CSMD1: variants seen among roughly 807,000 people sequenced by gnomAD.
CSMD1 encodes CUB and Sushi multiple domains 1, also known as CUB and sushi domain-containing protein 1.
In CSMD1, 213 loss-of-function variants were observed where a neutral mutation model predicts 417.5. The observed-to-expected ratio is 0.51, with a 90% CI of 0.46 to 0.57. The LOEUF (loss-of-function observed/expected upper bound fraction) is 0.57, where lower values mean the gene tolerates loss of function less well. Ranked by LOEUF, CSMD1 falls within the 20% of genes least tolerant of loss-of-function variation. CSMD1 has a pLI of 0.00. For synonymous variants in CSMD1, 2,862 were observed against 1,736.8 expected (o/e 1.65, Z -16.11); for missense variants, 6,923 against 4,529.7 (o/e 1.53, Z -15.17).
intron 3 of CSMD1, among the ~76,000 whole-genome samples, chr8:4,248,670 T>TCCTGTCCTGC (rs2128828965): frequency 6.6e-6 from 1 of 152,226 alleles, no homozygotes; most frequent in African/African-American, 2.4e-5. Flanking sequence ...ACCATCAGCC[T>TCCTGTCCTGC]CCTGTCCTGC....
chr8:4,229,886 T>C (rs532042547), intron 3 of CSMD1, among the ~76,000 whole-genome samples: 1 of 152,330 alleles, frequency 6.6e-6, no homozygotes, highest in Admixed American at 6.5e-5. Flanking sequence ...GAAATCTGTG[T>C]ATCGCTTTGA....
At chr8:2,953,469 C>G (rs889945067) in intron 65 of CSMD1, among the ~76,000 whole-genome samples, 6 of 131,834 alleles carry the variant, frequency 4.6e-5, no homozygotes, top group African/African-American at 1.6e-4. Context: ...AAAAAAAAAA[C>G]AGTGTTAAAA....
chr8:2,946,951 T>G (rs988701184), intron 68 of CSMD1, among the ~76,000 whole-genome samples: 1 of 152,232 alleles, frequency 6.6e-6, no homozygotes, highest in Non-Finnish European at 1.5e-5. Context: ...AGTGTGGTTT[T>G]GATTTGCATT....
intron 10 of CSMD1, among the ~76,000 whole-genome samples, chr8:3,525,970 G>A (rs937165248): frequency 2.6e-5 from 4 of 152,034 alleles, no homozygotes; most frequent in South Asian, 2.1e-4. Flanking sequence ...CTTCAGCTCT[G>A]GTAAAATCAG....
intron 54 of CSMD1, among the ~76,000 whole-genome samples, chr8:2,987,905 T>C (rs1290659603): frequency 6.6e-6 from 1 of 152,210 alleles, no homozygotes; most frequent in African/African-American, 2.4e-5. Context: ...TTCATTTAAG[T>C]TCTGCCATAC....
chr8:3,886,669 A>C (rs186914389), intron 5 of CSMD1, among the ~76,000 whole-genome samples: 95 of 152,298 alleles, frequency 6.2e-4, no homozygotes, highest in Admixed American at 1.8e-3. Context: ...ACAGCTACTG[A>C]TGATTCAAAA....
rs888187740 is a variant in CSMD1 at position 4,764,908 on chromosome 8, A to AC, written c.86-127351_86-127350insG. ...AAAAAAAAAAAACAACAACAACAAA[A>AC]AAAAACCTTTGCTGAGGATGGTTAT... On this transcript the variant is annotated intron_variant, in intron 1 of 69. Transcript: ENST00000635120. 4.8e-5 allele frequency among the ~76,000 whole-genome samples: 7 copies of AC among 145,850 alleles called. 1 individual carries two copies. The highest frequency in any genetic ancestry group is 1.8e-4 in the African/African-American group (7 of 39,706).
intron 8 of CSMD1, among the ~76,000 whole-genome samples, chr8:3,597,208 G>A (rs1006976129): frequency 3.3e-5 from 5 of 152,108 alleles, no homozygotes; most frequent in Admixed American, 1.3e-4. Flanking sequence ...GAACTGAGAG[G>A]ACTCATGGTA....
At chr8:4,749,020 G>A (rs1811137779) in intron 1 of CSMD1, among the ~76,000 whole-genome samples, 1 of 151,926 alleles carries the variant, frequency 6.6e-6, no homozygotes, top group Non-Finnish European at 1.5e-5. Flanking sequence ...ACGGTGACCA[G>A]TTCTGACCCA....
chr8:4,987,375 C>T (rs768528081), intron 1 of CSMD1, among the ~76,000 whole-genome samples: 1 of 152,178 alleles, frequency 6.6e-6, no homozygotes, highest in Non-Finnish European at 1.5e-5. Context: ...GTACAGAAAG[C>T]AGAGGGTTGC....
chr8:3,265,830 A>C (rs145399414), intron 26 of CSMD1, among the ~76,000 whole-genome samples: 17 of 152,182 alleles, frequency 1.1e-4, no homozygotes, highest in African/African-American at 3.9e-4. Context: ...TGCTTGGTGG[A>C]GACCTGGGTG....
chr8:3,560,343 T>G (rs1799416471), intron 10 of CSMD1, among the ~76,000 whole-genome samples: 1 of 152,122 alleles, frequency 6.6e-6, no homozygotes, highest in South Asian at 2.1e-4. Context: ...TACCTATCAT[T>G]ATCATCACCA....
chr8:4,815,499 C>A (rs999612926), intron 1 of CSMD1, among the ~76,000 whole-genome samples: 2 of 151,500 alleles, frequency 1.3e-5, no homozygotes, highest in African/African-American at 4.8e-5. Context: ...AGATCGAGAC[C>A]AGCCTGACCA....
chr8:3,674,969 A>G (rs1334603919), intron 7 of CSMD1, among the ~76,000 whole-genome samples: 1 of 152,148 alleles, frequency 6.6e-6, no homozygotes, highest in Non-Finnish European at 1.5e-5. Context: ...ATAAACAGGC[A>G]CAAAAAGGGG....
rs534174508 is a variant in CSMD1 at position 4,196,104 on chromosome 8, G to C, written c.416-164005C>G. On this transcript the variant is annotated intron_variant, in intron 3 of 69. Transcript: ENST00000635120. ...CGGGCGCCTGTAGTCCCAGCTGCTGGGGAGACTGAGGCAGGAGAATGGCTT... is the reference window on the plus strand; with the variant it reads ...CGGGCGCCTGTAGTCCCAGCTGCTGCGGAGACTGAGGCAGGAGAATGGCTT... 1.5e-3 allele frequency among the ~76,000 whole-genome samples: 224 copies of C among 152,232 alleles called. 1 individual carries two copies. Among genetic ancestry groups the C allele is most frequent in the African/African-American group, 5.2e-3 (218 of 41,538 alleles).
intron 10 of CSMD1, among the ~76,000 whole-genome samples, chr8:3,520,283 C>G (rs1401200424): frequency 6.6e-6 from 1 of 151,990 alleles, no homozygotes; most frequent in African/African-American, 2.4e-5. Context: ...GAAGTTTCAA[C>G]CTCCTCTATT....
chr8:4,840,619 C>G (rs140879199), intron 1 of CSMD1, among the ~76,000 whole-genome samples: 8 of 152,308 alleles, frequency 5.3e-5, no homozygotes, highest in Admixed American at 1.3e-4. Flanking sequence ...AGCAGAATTA[C>G]ATTACCGAAT....
intron 2 of CSMD1, among the ~76,000 whole-genome samples, chr8:4,456,985 T>TTTTAAAAA (rs71207092): frequency 1.4e-5 from 2 of 138,792 alleles, no homozygotes; most frequent in Admixed American, 7.2e-5. Flanking sequence ...GGTTTTTTTT[T>TTTTAAAAA]AAAAAAAAAA....
intron 26 of CSMD1, among the ~76,000 whole-genome samples, chr8:3,246,101 G>C (rs1799862357): frequency 6.6e-6 from 1 of 152,098 alleles, no homozygotes; most frequent in African/African-American, 2.4e-5. Flanking sequence ...AGGAAGATCT[G>C]CTAAGAAGGC....
Sources: gnomAD v4.1 joint callset for allele counts (sites outside exome capture counted in the v4.1 genomes callset) on GRCh38, gnomAD v4.1.1 for gene constraint, MANE v1.5 for transcripts, NCBI Gene and HGNC (gene_info 2026-07-23, HGNC 2026-07-21) for gene names.